CAMK2D: variants seen among roughly 807,000 people sequenced by gnomAD.
The protein encoded by CAMK2D is calcium/calmodulin-dependent protein kinase type II subunit delta.
CAMK2D carries 37 observed loss-of-function variants against 84.0 expected under a neutral mutation model. That is an observed-to-expected ratio of 0.44 (90% CI 0.34 to 0.58). The LOEUF (loss-of-function observed/expected upper bound fraction) is 0.58, where lower values mean the gene tolerates loss of function less well. Ranked by LOEUF, CAMK2D falls within the 20% of genes least tolerant of loss-of-function variation. The pLI is 0.02. For missense variants in CAMK2D, 448 were observed against 652.5 expected, an observed-to-expected ratio of 0.69 and a Z score of 3.41; for synonymous variants, 202 against 212.5, an observed-to-expected ratio of 0.95 and a Z score of 0.43.
At chr4:113,675,442 G>C (rs2099314244) in intron 2 of CAMK2D, among the ~76,000 whole-genome samples, 1 of 152,184 alleles carries the variant, frequency 6.6e-6, no homozygotes, top group South Asian at 2.1e-4. Flanking sequence ...AATGGAGAAT[G>C]ATAAAAGTTT....
intron 8 of CAMK2D, among the ~76,000 whole-genome samples, chr4:113,525,435 AC>A (rs1263285878): frequency 6.6e-6 from 1 of 152,198 alleles, no homozygotes; most frequent in Non-Finnish European, 1.5e-5. Flanking sequence ...AGTTATACAT[AC>A]AATTAAGTCA....
At chr4:113,589,001 TG>T (rs1311147077) in intron 4 of CAMK2D, among the ~76,000 whole-genome samples, 1 of 151,984 alleles carries the variant, frequency 6.6e-6, no homozygotes, top group Non-Finnish European at 1.5e-5. Flanking sequence ...AGAGGAGAGC[TG>T]GGGAGACCAT....
intron 3 of CAMK2D, among the ~76,000 whole-genome samples, chr4:113,634,350 C>G (rs1006657528): frequency 6.6e-6 from 1 of 152,132 alleles, no homozygotes; most frequent in Non-Finnish European, 1.5e-5. Context: ...AGAGAGACCT[C>G]TTAGGCAAGA....
intron 4 of CAMK2D, among the ~76,000 whole-genome samples, chr4:113,604,763 C>A (rs1218336463): frequency 1.3e-5 from 2 of 151,952 alleles, no homozygotes; most frequent in African/African-American, 4.8e-5. Context: ...TGTTCTTCAC[C>A]AAATATTATG....
At chr4:113,687,148 C>A (rs1477887993) in intron 2 of CAMK2D, among the ~76,000 whole-genome samples, 1 of 152,070 alleles carries the variant, frequency 6.6e-6, no homozygotes, top group Admixed American at 6.5e-5. Context: ...AAATTATTAA[C>A]CTTCTTCTCC....
chr4:113,724,738 G>C (rs556202210), intron 2 of CAMK2D, among the ~76,000 whole-genome samples: 1 of 151,432 alleles, frequency 6.6e-6, no homozygotes, highest in African/African-American at 2.4e-5. Flanking sequence ...TGCTTTCCTT[G>C]GTTAATTTCT....
intron 15 of CAMK2D, among the ~76,000 whole-genome samples, chr4:113,501,759 C>A (rs1439105124): frequency 2.0e-5 from 3 of 152,028 alleles, no homozygotes; most frequent in African/African-American, 7.2e-5. Flanking sequence ...GCAACTCTTA[C>A]AAATGATATA....
chr4:113,698,481 AGTGTCTGGTCCATT>A (rs1381537695), intron 2 of CAMK2D, among the ~76,000 whole-genome samples: 1 of 152,166 alleles, frequency 6.6e-6, no homozygotes, highest in East Asian at 1.9e-4. Flanking sequence ...TGTATACAGC[AGTGTCTGGTCCATT>A]GTAAGAACTC....
Position 113,761,200 on chromosome 4 carries a change from C to A in CAMK2D, c.-132G>T. 4 of 1,549,560 alleles carry A rather than the reference C, an allele frequency of 2.6e-6. No homozygotes were observed. The South Asian group carries it at 4.6e-5, about 18-fold the overall frequency. On this transcript the variant is annotated 5_prime_UTR_variant, in exon 1 of 21. Coordinates refer to ENST00000511664, the MANE Select transcript of CAMK2D (RefSeq NM_001321571.2). ...TTACTTTCCTGGTCCGAAAGTAGCT[C>A]GCCCGCGAGGGAGTGTGCGCAGGGG...
chr4:113,631,443 C>G (rs916298486), intron 3 of CAMK2D, among the ~76,000 whole-genome samples: 2 of 152,172 alleles, frequency 1.3e-5, no homozygotes, highest in Admixed American at 1.3e-4. Flanking sequence ...ATCACCCAGA[C>G]AGGCTGCAGT....
At chr4:113,629,056 T>C (rs922485142) in intron 3 of CAMK2D, among the ~76,000 whole-genome samples, 2 of 151,972 alleles carry the variant, frequency 1.3e-5, no homozygotes, top group African/African-American at 4.8e-5. Flanking sequence ...TATATATAAC[T>C]CAGCAGTGCA....
At chr4:113,617,378 G>T (rs555200629) in intron 3 of CAMK2D, among the ~76,000 whole-genome samples, 1 of 151,704 alleles carries the variant, frequency 6.6e-6, no homozygotes, top group Non-Finnish European at 1.5e-5. Context: ...CAGGAGAATC[G>T]CTTGAACCAG....
intron 2 of CAMK2D, among the ~76,000 whole-genome samples, chr4:113,738,834 G>A (rs116445453): frequency 1.3e-3 from 191 of 152,028 alleles, no homozygotes; most frequent in East Asian, 9.5e-3. Context: ...AAAATTAATC[G>A]AAGCATTTTA....
At chr4:113,531,150 A>C (rs1326613518) in intron 8 of CAMK2D, 66 bp downstream of exon 8, 1 of 810,996 alleles carries the variant, frequency 1.2e-6, no homozygotes, top group Admixed American at 1.7e-5. Context: ...ACAGATTGTT[A>C]TAGCAGACCA....
intron 4 of CAMK2D, among the ~76,000 whole-genome samples, chr4:113,590,094 C>A (rs1035990623): frequency 6.6e-6 from 1 of 152,140 alleles, no homozygotes; most frequent in Non-Finnish European, 1.5e-5. Flanking sequence ...CAGGGACCAG[C>A]ACTGTACCAG....
At chr4:113,543,328 C>T (rs924801827) in intron 6 of CAMK2D, among the ~76,000 whole-genome samples, 8 of 151,898 alleles carry the variant, frequency 5.3e-5, no homozygotes, top group African/African-American at 1.9e-4. Flanking sequence ...TGAGGTACTT[C>T]CTCCTTTCTG....
chr4:113,655,563 A>G (rs1032721700), intron 3 of CAMK2D, among the ~76,000 whole-genome samples: 14 of 152,108 alleles, frequency 9.2e-5, no homozygotes, highest in African/African-American at 2.9e-4. Flanking sequence ...ACAAATATAA[A>G]TGTTGCTTCA....
intron 16 of CAMK2D, among the ~76,000 whole-genome samples, chr4:113,473,677 A>G (rs17046083): frequency 0.029 from 4,457 of 152,298 alleles, 218 homozygotes; most frequent in African/African-American, 0.099. Flanking sequence ...GAACTTTGCT[A>G]TATAATGCAG....
At chr4:113,563,991 G>A (rs1591292082) in intron 4 of CAMK2D, among the ~76,000 whole-genome samples, 1 of 152,156 alleles carries the variant, frequency 6.6e-6, no homozygotes, top group African/African-American at 2.4e-5. Flanking sequence ...AATCCTTAGA[G>A]AATCTATGAA....
Sources: gnomAD v4.1 joint callset for allele counts (sites outside exome capture counted in the v4.1 genomes callset) on GRCh38, gnomAD v4.1.1 for gene constraint, MANE v1.5 for transcripts, NCBI Gene and HGNC (gene_info 2026-07-23, HGNC 2026-07-21) for gene names.